The following PREX1 variants were observed in gnomAD, a reference collection of about 807,000 sequenced individuals.
PREX1 encodes the protein phosphatidylinositol 3,4,5-trisphosphate-dependent Rac exchanger 1 protein.
In PREX1, 41 loss-of-function variants were observed where a neutral mutation model predicts 198.3. That is an observed-to-expected ratio of 0.21 (90% CI 0.16 to 0.27). The LOEUF is 0.27. Ranked by LOEUF, PREX1 falls within the 10% of genes least tolerant of loss-of-function variation. The pLI is 1.00. For missense variants in PREX1, 1,620 were observed against 2,200.7 expected, an observed-to-expected ratio of 0.74 and a Z score of 5.28; for synonymous variants, 843 against 887.2, an observed-to-expected ratio of 0.95 and a Z score of 0.89.
At chr20:48,861,137 T>C in the PREX1 span, among the ~76,000 whole-genome samples, 7 of 152,088 alleles carry the variant, frequency 4.6e-5, no homozygotes, top group Non-Finnish European at 1.0e-4. Context: ...GAGCAGATCT[T>C]TGTGACCCCA....
chr20:48,737,879 C>T (rs775238928), intron 3 of PREX1, among the ~76,000 whole-genome samples: 3 of 152,184 alleles, frequency 2.0e-5, no homozygotes, highest in Non-Finnish European at 2.9e-5. Context: ...AATCATCATA[C>T]GGAGTCCTGG....
At chr20:48,660,202 T>A in intron 15 of PREX1, 141 bp from the exon 16 acceptor site, 1 of 1,009,538 alleles carries the variant, frequency 9.9e-7, no homozygotes, top group Non-Finnish European at 1.5e-6. Context: ...AATGGAATCA[T>A]ATGCCAACAC....
the PREX1 span, among the ~76,000 whole-genome samples, chr20:48,866,533 A>G: frequency 3.9e-5 from 6 of 152,156 alleles, no homozygotes; most frequent in East Asian, 7.7e-4. Flanking sequence ...GAGGACACCA[A>G]AGTTTCTCAG....
At chr20:48,743,231 T>C (rs189065203) in intron 3 of PREX1, among the ~76,000 whole-genome samples, 2 of 152,298 alleles carry the variant, frequency 1.3e-5, no homozygotes, top group East Asian at 1.9e-4. Flanking sequence ...GATTTGAACG[T>C]TGGCTGTTGG....
At chr20:48,668,338 C>T (rs891481373) in intron 14 of PREX1, among the ~76,000 whole-genome samples, 3 of 152,204 alleles carry the variant, frequency 2.0e-5, no homozygotes, top group Non-Finnish European at 4.4e-5. Context: ...GCTGTGTCCC[C>T]GCTCAATCCT....
chr20:48,710,171 AAG>A (rs1367701110), intron 5 of PREX1, among the ~76,000 whole-genome samples: 1 of 152,198 alleles, frequency 6.6e-6, no homozygotes, highest in African/African-American at 2.4e-5. Flanking sequence ...GATCAATCAA[AAG>A]AGAAGCAAGC....
intron 35 of PREX1, among the ~76,000 whole-genome samples, chr20:48,631,252 T>C (rs1280195663): frequency 6.6e-6 from 1 of 152,228 alleles, no homozygotes; most frequent in Non-Finnish European, 1.5e-5. Context: ...CACTCAGCTC[T>C]GCCATTGCAG....
upstream of PREX1, among the ~76,000 whole-genome samples, chr20:48,831,315 C>T (rs1000587904): frequency 2.0e-4 from 31 of 152,226 alleles, no homozygotes; most frequent in African/African-American, 7.2e-4. Context: ...CCACCATCAA[C>T]TTAGAAAAGA....
intron 3 of PREX1, among the ~76,000 whole-genome samples, chr20:48,743,424 T>C (rs1219941763): frequency 6.6e-6 from 1 of 152,136 alleles, no homozygotes; most frequent in Non-Finnish European, 1.5e-5. Context: ...GGTAACCTCT[T>C]AGATGTCTCC....
chr20:48,792,175 T>C (rs915541455), intron 1 of PREX1, among the ~76,000 whole-genome samples: 2 of 152,178 alleles, frequency 1.3e-5, no homozygotes, highest in Admixed American at 1.3e-4. Flanking sequence ...AGGCATTGTT[T>C]TATAAAAATA....
At chr20:48,753,478 G>C (rs1161472404) in intron 1 of PREX1, among the ~76,000 whole-genome samples, 1 of 152,116 alleles carries the variant, frequency 6.6e-6, no homozygotes, top group Non-Finnish European at 1.5e-5. Context: ...CTGGCATCTA[G>C]TGTGTAGAGG....
At chr20:48,797,194 TGCTTGGGTCCCTGAGAGGTG>T (rs1172503326) in intron 1 of PREX1, among the ~76,000 whole-genome samples, 1 of 152,140 alleles carries the variant, frequency 6.6e-6, no homozygotes, top group Non-Finnish European at 1.5e-5. Context: ...GGGAGCTCTT[TGCTTGGGTCCCTGAGAGGTG>T]GCCAAGCTAG....
chr20:48,756,680 A>G (rs766993723), intron 1 of PREX1, among the ~76,000 whole-genome samples: 1 of 151,740 alleles, frequency 6.6e-6, no homozygotes. Flanking sequence ...GGCACCATCC[A>G]CCCCGGGGCC....
intron 1 of PREX1, among the ~76,000 whole-genome samples, chr20:48,805,731 G>A (rs1387130679): frequency 2.0e-5 from 3 of 152,134 alleles, no homozygotes; most frequent in East Asian, 1.9e-4. Context: ...TCTTGAGAGA[G>A]ACACCAGGGA....
upstream of PREX1, among the ~76,000 whole-genome samples, chr20:48,828,557 G>C (rs1333994534): frequency 6.6e-6 from 1 of 152,234 alleles, no homozygotes; most frequent in African/African-American, 2.4e-5. Context: ...TCTCTGGGCA[G>C]TGACGGCCCC....
At chr20:48,788,961 C>T (rs1042978830) in intron 1 of PREX1, among the ~76,000 whole-genome samples, 1 of 152,158 alleles carries the variant, frequency 6.6e-6, no homozygotes, top group Non-Finnish European at 1.5e-5. Flanking sequence ...AACGTTCTCA[C>T]CAGATGTGGC....
intron 13 of PREX1, among the ~76,000 whole-genome samples, chr20:48,677,400 G>A (rs2089717124): frequency 6.6e-6 from 1 of 152,184 alleles, no homozygotes; most frequent in South Asian, 2.1e-4. Context: ...AAAATCTGCA[G>A]CTGGGATAAG....
intron 6 of PREX1, among the ~76,000 whole-genome samples, chr20:48,702,013 C>G (rs994175489): frequency 6.6e-6 from 1 of 152,034 alleles, no homozygotes; most frequent in Non-Finnish European, 1.5e-5. Flanking sequence ...AAGTTCAAGA[C>G]CAGCCTGGCA....
At chr20:48,747,576 T>C (rs1276256977) in intron 2 of PREX1, among the ~76,000 whole-genome samples, 1 of 152,010 alleles carries the variant, frequency 6.6e-6, no homozygotes, top group Non-Finnish European at 1.5e-5. Flanking sequence ...GGTTGGAAAG[T>C]GGGGCCCGGG....
Sources: gnomAD v4.1 joint callset for allele counts (sites outside exome capture counted in the v4.1 genomes callset) on GRCh38, gnomAD v4.1.1 for gene constraint, MANE v1.5 for transcripts, NCBI Gene and HGNC (gene_info 2026-07-23, HGNC 2026-07-21) for gene names.